The following DLG2 variants were observed in gnomAD, a reference collection of about 807,000 sequenced individuals.
DLG2 encodes disks large homolog 2.
DLG2 carries 45 observed loss-of-function variants against 132.5 expected under a neutral mutation model. The ratio of observed to expected loss-of-function variants is 0.34; its 90% CI spans 0.27 to 0.44. DLG2 has a LOEUF of 0.44. Ranked by LOEUF, DLG2 falls within the 20% of genes least tolerant of loss-of-function variation. The pLI is 1.00. For missense variants in DLG2, 1,045 were observed against 1,196.9 expected (o/e 0.87, Z 1.87); for synonymous variants, 424 against 419.6 (o/e 1.01, Z -0.13).
At chr11:84,869,052 G>A (rs1202111767) in intron 6 of DLG2, among the ~76,000 whole-genome samples, 1 of 152,118 alleles carries the variant, frequency 6.6e-6, no homozygotes, top group Admixed American at 6.5e-5. Context: ...ATTAAGAACA[G>A]GACAGAGTAA....
chr11:84,953,253 T>C (rs565569979), intron 6 of DLG2, among the ~76,000 whole-genome samples: 1 of 152,320 alleles, frequency 6.6e-6, no homozygotes, highest in Admixed American at 6.5e-5. Context: ...TTACTGGGTC[T>C]TGGATTATTT....
At chr11:84,914,060 A>C (rs2092299080) in intron 6 of DLG2, among the ~76,000 whole-genome samples, 1 of 152,228 alleles carries the variant, frequency 6.6e-6, no homozygotes, top group African/African-American at 2.4e-5. Context: ...TTTAAAATAA[A>C]TAAATGTATG....
At chr11:84,621,084 G>A (rs1489821659) in intron 6 of DLG2, among the ~76,000 whole-genome samples, 2 of 152,032 alleles carry the variant, frequency 1.3e-5, no homozygotes, top group East Asian at 3.9e-4. Flanking sequence ...ATTGCAGAAG[G>A]TGAAAGCACA....
chr11:85,298,806 C>A (rs907638371), intron 3 of DLG2, among the ~76,000 whole-genome samples: 2 of 151,978 alleles, frequency 1.3e-5, no homozygotes, highest in African/African-American at 4.8e-5. Flanking sequence ...ACAGATTGCT[C>A]TTGTTCCCAG....
intron 17 of DLG2, among the ~76,000 whole-genome samples, chr11:83,824,909 T>G (rs2052055748): frequency 6.6e-6 from 1 of 152,038 alleles, no homozygotes; most frequent in East Asian, 1.9e-4. Context: ...CCTTGCTAAG[T>G]TGTGACATAT....
intron 7 of DLG2, among the ~76,000 whole-genome samples, chr11:84,364,400 G>A (rs2098669332): frequency 6.6e-6 from 1 of 152,088 alleles, no homozygotes. Flanking sequence ...TCAGCTTAAG[G>A]AGATTTTGGG....
At chr11:83,571,967 A>T (rs2096803646) in intron 19 of DLG2, among the ~76,000 whole-genome samples, 1 of 152,118 alleles carries the variant, frequency 6.6e-6, no homozygotes, top group Admixed American at 6.6e-5. Flanking sequence ...GTAAAAGAAG[A>T]CAGAACTCTC....
At chr11:84,501,520 C>T (rs973508355) in intron 7 of DLG2, among the ~76,000 whole-genome samples, 1 of 152,048 alleles carries the variant, frequency 6.6e-6, no homozygotes, top group African/African-American at 2.4e-5. Flanking sequence ...GAGCTGAGAT[C>T]GTGCTAATGC....
At chr11:85,157,321 C>T (rs577385291) in intron 4 of DLG2, among the ~76,000 whole-genome samples, 1 of 152,000 alleles carries the variant, frequency 6.6e-6, no homozygotes, top group East Asian at 1.9e-4. Context: ...GGATGAAGTC[C>T]TTTCATTGGT....
chr11:84,152,701 A>G (rs2154252455), intron 9 of DLG2, among the ~76,000 whole-genome samples: 1 of 151,680 alleles, frequency 6.6e-6, no homozygotes, highest in Non-Finnish European at 1.5e-5. Flanking sequence ...TTTGTTTTCT[A>G]TTTGCATGAT....
chr11:85,137,646 T>A (rs1308476904), intron 5 of DLG2, among the ~76,000 whole-genome samples: 1 of 152,046 alleles, frequency 6.6e-6, no homozygotes, highest in Non-Finnish European at 1.5e-5. Context: ...CTTCCATAGC[T>A]TATAAGGGCC....
At chr11:83,480,325 T>C (rs2092999097) in intron 22 of DLG2, 9 of 1,456,490 alleles carry the variant, frequency 6.2e-6, no homozygotes, top group Non-Finnish European at 7.4e-6. Context: ...CCACAGGCAA[T>C]GGGGCAATTG....
At chr11:84,551,508 T>C (rs927166164) in intron 6 of DLG2, among the ~76,000 whole-genome samples, 6 of 152,246 alleles carry the variant, frequency 3.9e-5, no homozygotes, top group South Asian at 2.1e-4. Flanking sequence ...TATGTATTAA[T>C]GCTTTACAAG....
At chr11:83,476,400 C>T (rs555572808) in intron 22 of DLG2, among the ~76,000 whole-genome samples, 24 of 152,162 alleles carry the variant, frequency 1.6e-4, no homozygotes, top group Middle Eastern at 3.4e-3. Flanking sequence ...CCAATTGGTT[C>T]GAGTTTGAAC....
chr11:84,947,859 A>G (rs1192995754), intron 6 of DLG2, among the ~76,000 whole-genome samples: 1 of 152,182 alleles, frequency 6.6e-6, no homozygotes, highest in Non-Finnish European at 1.5e-5. Context: ...ACAATAAATT[A>G]CATAGGTACT....
At chr11:84,159,653 C>A (rs2095503317) in intron 9 of DLG2, among the ~76,000 whole-genome samples, 1 of 152,066 alleles carries the variant, frequency 6.6e-6, no homozygotes, top group Admixed American at 6.6e-5. Flanking sequence ...TAATTATCAC[C>A]TTTGGAAGGT....
chr11:83,886,919 T>C (rs938862732), intron 15 of DLG2, among the ~76,000 whole-genome samples: 4 of 151,812 alleles, frequency 2.6e-5, no homozygotes, highest in African/African-American at 4.8e-5. Flanking sequence ...AGACACAACA[T>C]ACCAGAATCT....
intron 3 of DLG2, among the ~76,000 whole-genome samples, chr11:85,432,837 G>A (rs928033892): frequency 3.9e-5 from 6 of 151,938 alleles, no homozygotes; most frequent in Non-Finnish European, 7.4e-5. Flanking sequence ...GATACTCCAC[G>A]AGAAGAACAA....
At chr11:83,849,202 G>T (rs538006536) in intron 16 of DLG2, among the ~76,000 whole-genome samples, 1 of 151,264 alleles carries the variant, frequency 6.6e-6, no homozygotes, top group African/African-American at 2.4e-5. Context: ...TCCCAAAATG[G>T]GTATAATGGT....
Sources: allele counts gnomAD v4.1 joint callset (sites outside exome capture counted in the v4.1 genomes callset), GRCh38; gene constraint gnomAD v4.1.1; transcripts MANE v1.5; gene names NCBI Gene and HGNC (gene_info 2026-07-23, HGNC 2026-07-21).